ARSG: variants seen among roughly 807,000 people sequenced by gnomAD.
The protein encoded by ARSG is ASG.
Under a neutral mutation model 50.5 loss-of-function variants are expected in ARSG, and 37 were observed. The observed-to-expected ratio is 0.73, with a 90% confidence interval of 0.56 to 0.96. ARSG has a LOEUF of 0.96. Among genes scored for constraint, ARSG ranks in the 50% least tolerant of loss-of-function variants. ARSG has a pLI of 0.00. For synonymous variants in ARSG, 225 were observed against 254.6 expected, an observed-to-expected ratio of 0.88 and a Z score of 1.11; for missense variants, 629 against 675.3, an observed-to-expected ratio of 0.93 and a Z score of 0.76.
intron 1 of ARSG, among the ~76,000 whole-genome samples, chr17:68,285,914 C>T (rs1416437424): frequency 2.6e-5 from 4 of 152,126 alleles, no homozygotes; most frequent in African/African-American, 9.7e-5. Flanking sequence ...CGCCCGCCAC[C>T]ATGCCCAGCT....
chr17:68,430,193 G>A, the ARSG span: 4 of 1,585,154 alleles, frequency 2.5e-6, no homozygotes, highest in African/African-American at 1.4e-5. Context: ...CGATGGGACT[G>A]GGCTGCAGGC....
intron 1 of ARSG, among the ~76,000 whole-genome samples, chr17:68,292,047 C>T (rs1452212067): frequency 2.6e-5 from 4 of 152,180 alleles, no homozygotes; most frequent in Admixed American, 1.3e-4. Context: ...CGCACCCCCA[C>T]AGTTCCCCTT....
intron 6 of ARSG, among the ~76,000 whole-genome samples, chr17:68,361,930 C>CAACA (rs1201723644): frequency 1.3e-5 from 2 of 151,956 alleles, no homozygotes; most frequent in Admixed American, 1.3e-4. Flanking sequence ...ACCATGACAA[C>CAACA]AACAAACAAA....
intron 4 of ARSG, among the ~76,000 whole-genome samples, chr17:68,348,864 G>C (rs910522366): frequency 3.3e-5 from 5 of 152,186 alleles, no homozygotes; most frequent in African/African-American, 9.7e-5. Flanking sequence ...GCCCTGGGCT[G>C]TTCCTCAGGT....
At chr17:68,444,062 C>A in the ARSG span, among the ~76,000 whole-genome samples, 1 of 152,166 alleles carries the variant, frequency 6.6e-6, no homozygotes, top group Non-Finnish European at 1.5e-5. Context: ...AAAACATATT[C>A]TTTATGGTTC....
intron 8 of ARSG, among the ~76,000 whole-genome samples, chr17:68,375,166 TG>T (rs2080083938): frequency 6.6e-6 from 1 of 152,204 alleles, no homozygotes; most frequent in African/African-American, 2.4e-5. Flanking sequence ...GGGTTGCTGA[TG>T]GGAGTTTTGC....
chr17:68,390,631 T>A (rs2080946573), intron 9 of ARSG, among the ~76,000 whole-genome samples: 2 of 149,212 alleles, frequency 1.3e-5, no homozygotes, highest in Non-Finnish European at 3.0e-5. Flanking sequence ...AATTTTGGAA[T>A]TTTTTTTTTA....
At chr17:68,277,971 G>T in intron 1 of ARSG, 10 of 671,336 alleles carry the variant, frequency 1.5e-5, no homozygotes, top group South Asian at 7.8e-5. Context: ...GGCTAGGAAG[G>T]ACCAACAGGC....
At chr17:68,434,372 C>T in the ARSG span, among the ~76,000 whole-genome samples, 2 of 152,204 alleles carry the variant, frequency 1.3e-5, no homozygotes, top group South Asian at 2.1e-4. Flanking sequence ...AACAGCATCT[C>T]GGCTTTCAGT....
At chr17:68,434,650 T>C in the ARSG span, 5 of 1,613,076 alleles carry the variant, frequency 3.1e-6, no homozygotes, top group African/African-American at 4.0e-5. Context: ...CAGGTGGACA[T>C]TTCATAACCA....
chr17:68,426,597 A>T (rs1435756153), downstream of ARSG, among the ~76,000 whole-genome samples: 2 of 152,156 alleles, frequency 1.3e-5, no homozygotes, highest in African/African-American at 4.8e-5. Context: ...CAGTGGTATG[A>T]TCTCAGCTCA....
chr17:68,312,217 C>G (rs2076888668), intron 2 of ARSG, among the ~76,000 whole-genome samples: 1 of 152,156 alleles, frequency 6.6e-6, no homozygotes, highest in Non-Finnish European at 1.5e-5. Flanking sequence ...TCTGTTCTTT[C>G]CCGCTTATAT....
intron 1 of ARSG, among the ~76,000 whole-genome samples, chr17:68,295,291 G>A (rs2076165137): frequency 6.6e-6 from 1 of 152,048 alleles, no homozygotes; most frequent in Non-Finnish European, 1.5e-5. Flanking sequence ...CGTGTGTGTG[G>A]GCGGCCGATG....
chr17:68,326,635 A>G (rs2077515263), intron 2 of ARSG, among the ~76,000 whole-genome samples: 1 of 152,220 alleles, frequency 6.6e-6, no homozygotes, highest in Admixed American at 6.5e-5. Flanking sequence ...ATTGCACTCC[A>G]GCCTGGGTGA....
rs572115398 is a variant in ARSG at position 68,323,415 on chromosome 17, A to C, written c.218+15704A>C. On this transcript the variant is annotated intron_variant, in intron 2 of 11. Transcript: ENST00000621439. ...AGAGAAAGAACCCTCTTATTAATTA[A>C]TTAATCATTATTATTGTAAAGATGG... 2.0e-5 allele frequency among the ~76,000 whole-genome samples: 3 copies of C among 151,152 alleles called. No individual in the cohort carries two copies. The South Asian group carries it at 6.2e-4, about 31-fold the overall frequency.
At chr17:68,426,908 C>T (rs1568622522), downstream of ARSG, among the ~76,000 whole-genome samples, 1 of 152,278 alleles carries the variant, frequency 6.6e-6, no homozygotes, top group South Asian at 2.1e-4. Flanking sequence ...TGATGCCTTG[C>T]CAGGTTGAGG....
chr17:68,375,232 T>C (rs1049035166), intron 8 of ARSG, among the ~76,000 whole-genome samples: 1 of 152,224 alleles, frequency 6.6e-6, no homozygotes, highest in East Asian at 1.9e-4. Context: ...GACCAAACTT[T>C]GAGAACCACC....
At chr17:68,322,948 A>G (rs1486206464) in intron 2 of ARSG, among the ~76,000 whole-genome samples, 1 of 152,088 alleles carries the variant, frequency 6.6e-6, no homozygotes, top group South Asian at 2.1e-4. Flanking sequence ...TTCTTGCTGT[A>G]TTCTCACAAG....
rs2080410448 is a variant in ARSG at position 68,381,126 on chromosome 17, C to G, written c.983-3938C>G. 6.6e-6 allele frequency among the ~76,000 whole-genome samples: 1 copy of G among 152,156 alleles called. No individual in the cohort carries two copies. The highest frequency in any genetic ancestry group is 2.4e-5 in the African/African-American group (1 of 41,430). On this transcript the variant is annotated intron_variant, in intron 8 of 11. Transcript: ENST00000621439. The surrounding 1 kb of genome is among the most constrained non-coding windows in gnomAD (Gnocchi z 4.1). ...GCGAATTTCCTTGTTTGCTGCATTGCCTTTCTGACTCAGTGAAACATGGCC... is the reference window on the plus strand; with the variant it reads ...GCGAATTTCCTTGTTTGCTGCATTGGCTTTCTGACTCAGTGAAACATGGCC...
Sources: gnomAD v4.1 joint callset for allele counts (sites outside exome capture counted in the v4.1 genomes callset) on GRCh38, gnomAD v4.1.1 for gene constraint, Gnocchi (gnomAD v3.1) non-coding constraint, MANE v1.5 for transcripts, NCBI Gene and HGNC (gene_info 2026-07-23, HGNC 2026-07-21) for gene names.